The following GRK4 variants were observed in gnomAD, a reference collection of about 807,000 sequenced individuals.
GRK4 encodes G protein-coupled receptor kinase 4.
In GRK4, 73 loss-of-function variants were observed where a neutral mutation model predicts 77.9. The ratio of observed to expected loss-of-function variants is 0.94; its 90% CI spans 0.78 to 1.14. The LOEUF (loss-of-function observed/expected upper bound fraction) is 1.14, where lower values mean the gene tolerates loss of function less well. GRK4 is among the 50% of genes most tolerant of loss of function. The probability of loss-of-function intolerance (pLI) is 0.00; values close to 1 mark genes in which losing one functional copy is unlikely to be tolerated. For synonymous variants in GRK4, 257 were observed against 254.4 expected (o/e 1.01, Z -0.10); for missense variants, 729 against 700.2 (o/e 1.04, Z -0.46).
At chr4:3,015,102 C>T (rs185966977) in intron 8 of GRK4, among the ~76,000 whole-genome samples, 75 of 152,234 alleles carry the variant, frequency 4.9e-4, no homozygotes, top group Admixed American at 2.0e-3. Context: ...GAACATTGGG[C>T]GGACTGGTAT....
chr4:3,030,166 G>A (rs1738744064), intron 12 of GRK4, among the ~76,000 whole-genome samples: 1 of 152,090 alleles, frequency 6.6e-6, no homozygotes, highest in African/African-American at 2.4e-5. Flanking sequence ...CCTGGCTCTG[G>A]GCCTGGTGCT....
intron 4 of GRK4, among the ~76,000 whole-genome samples, chr4:2,997,800 G>A (rs1011534671): frequency 6.6e-6 from 1 of 151,210 alleles, no homozygotes; most frequent in Non-Finnish European, 1.5e-5. Flanking sequence ...CCCAGCTACT[G>A]AGGAGGCTGA....
Position 3,029,257 on chromosome 4 carries a change from G to A in GRK4, c.1117G>A (p.Gly373Ser), listed in dbSNP as rs1738471570. The A allele has an allele frequency of 1.2e-6, 2 of 1,614,044 alleles. No homozygotes were observed. Among genetic ancestry groups the A allele is most frequent in the South Asian group, 2.2e-5 (2 of 91,086 alleles). ...YTFSPDWWGL[G>S]CLIYEMIQGH... ...GTTTAGTCCCGATTGGTGGGGACTT[G>A]GCTGTCTGATCTATGAAATGATTCA... The change falls in exon 12 of 16, where the codon GGC becomes AGC. Residue 373 changes from glycine (G) to serine (S), a missense_variant. Physicochemically the swap from Gly to Ser is moderately conservative, Grantham distance 56. Coordinates refer to ENST00000398052, the MANE Select transcript of GRK4 (RefSeq NM_182982.3).
chr4:3,026,377 AAGAC>A (rs1362090890), intron 10 of GRK4, among the ~76,000 whole-genome samples: 13 of 152,174 alleles, frequency 8.5e-5, no homozygotes, highest in Non-Finnish European at 1.6e-4. Flanking sequence ...TAAGAAAAAT[AAGAC>A]AATGATACGA....
intron 14 of GRK4, 30 bp downstream of exon 14, chr4:3,037,541 G>A (rs558461682): frequency 6.9e-6 from 11 of 1,584,868 alleles, no homozygotes; most frequent in South Asian, 2.2e-5. Context: ...GCCGCTTTAC[G>A]TTAGTTCCAA....
intron 12 of GRK4, among the ~76,000 whole-genome samples, chr4:3,032,424 A>C (rs973048466): frequency 1.2e-4 from 18 of 152,200 alleles, no homozygotes; most frequent in African/African-American, 4.3e-4. Flanking sequence ...CTCCGTCTCA[A>C]AAAAGAAAAA....
chr4:3,010,512 C>T (rs1732611165), intron 7 of GRK4, among the ~76,000 whole-genome samples: 2 of 152,150 alleles, frequency 1.3e-5, no homozygotes, highest in African/African-American at 4.8e-5. Flanking sequence ...CAGGCGTGAG[C>T]CACCGTGCCT....
Position 2,964,000 on chromosome 4 carries a change from C to T in GRK4, c.-71C>T. 3 of 1,376,276 alleles carry T rather than the reference C, an allele frequency of 2.2e-6. No individual in the cohort carries two copies. Among genetic ancestry groups the T allele is most frequent in the Non-Finnish European group, 2.0e-6 (2 of 979,540 alleles). 85.3% of individuals were successfully genotyped at this position (1,376,276 alleles called of 1,614,324 possible). ...GGCGAGCTATGCACGGGGGCGGCGG[C>T]GTCTCCTCCTGTTCCGCCTCCTCAG... is the stretch of plus-strand genomic sequence containing the variant. On this transcript the variant is annotated 5_prime_UTR_variant, in exon 1 of 16. Transcript: ENST00000398052.
chr4:3,010,605 G>A (rs1327313478), intron 7 of GRK4, among the ~76,000 whole-genome samples: 1 of 152,154 alleles, frequency 6.6e-6, no homozygotes, highest in Admixed American at 6.5e-5. Flanking sequence ...AGCAGTTCTG[G>A]TCTGGGGATT....
chr4:3,025,502 G>A (rs190922894), intron 10 of GRK4, among the ~76,000 whole-genome samples: 1,475 of 144,368 alleles, frequency 0.01, 25 homozygotes, highest in African/African-American at 0.036. Flanking sequence ...CCATTCTCCT[G>A]CCTCAGCCTC....
At chr4:3,015,451 C>T (rs758173149) in intron 8 of GRK4, among the ~76,000 whole-genome samples, 9 of 151,880 alleles carry the variant, frequency 5.9e-5, no homozygotes, top group Non-Finnish European at 1.2e-4. Context: ...TTTGGGAGGC[C>T]GAGGCAGGCG....
At position 2,963,666 on chromosome 4, in the gene GRK4, G is replaced by C; in HGVS notation, c.-405G>C. 2.8e-6 allele frequency: 1 copy of C among 356,412 alleles called. No individual in the cohort carries two copies. The highest frequency in any genetic ancestry group is 5.0e-6 in the Non-Finnish European group (1 of 198,830). The allele number at this position is 356,412 out of a possible 1,614,324, so 22.1% of individuals were successfully genotyped here. The stretch of plus-strand genomic sequence containing the variant: ...GAGCGGGTCGCCGGCCGCGGCGGGC[G>C]CCCCTGCCAGTGAGCCCCTGTCCGA... On this transcript the variant is annotated 5_prime_UTR_variant, in exon 1 of 16. Transcript: ENST00000398052.
chr4:2,972,243 T>C (rs1577950215), intron 1 of GRK4, among the ~76,000 whole-genome samples: 1 of 152,120 alleles, frequency 6.6e-6, no homozygotes, highest in Non-Finnish European at 1.5e-5. Flanking sequence ...CTGTGGATGG[T>C]CCTCCTTTGA....
Position 3,037,446 on chromosome 4 carries a change from A to C in GRK4, c.1480A>C (p.Thr494Pro). Reference sequence around the variant, plus strand: ...GGTGGTGAAAGGGATCTACCTGGACACCGCAGATGAAGACTTCTATGCTCG... The same window carrying C: ...GGTGGTGAAAGGGATCTACCTGGACCCCGCAGATGAAGACTTCTATGCTCG... ...FSVVKGIYLD[T>P]ADEDFYARFA... The change falls in exon 14 of 16, where the codon ACC (threonine) becomes CCC (proline). Residue 494 changes from threonine (T) to proline (P), a missense_variant. Transcript: ENST00000398052. 6.2e-7 allele frequency: 1 copy of C among 1,611,580 alleles called. No homozygotes were observed. Among genetic ancestry groups the C allele is most frequent in the Non-Finnish European group, 8.5e-7 (1 of 1,178,192 alleles).
intron 1 of GRK4, among the ~76,000 whole-genome samples, chr4:2,981,373 G>A (rs1172403429): frequency 6.6e-6 from 1 of 152,224 alleles, no homozygotes; most frequent in East Asian, 1.9e-4. Context: ...TAAGCAAGAA[G>A]AGGTGCTTTA....
intron 8 of GRK4, among the ~76,000 whole-genome samples, chr4:3,018,068 CTTTTTCTTTTTTTT>C (rs1735037591): frequency 6.7e-6 from 1 of 148,776 alleles, no homozygotes; most frequent in Non-Finnish European, 1.5e-5. Flanking sequence ...TTTTCTTTTT[CTTTTTCTTTTTTTT>C]TTTTTTAGAT....
intron 4 of GRK4, among the ~76,000 whole-genome samples, chr4:2,997,973 G>A (rs563229324): frequency 1.2e-4 from 18 of 151,416 alleles, no homozygotes; most frequent in Non-Finnish European, 2.4e-4. Flanking sequence ...AGACAAGATT[G>A]TGCACCCTCA....
intron 5 of GRK4, among the ~76,000 whole-genome samples, 189 bp downstream of exon 5, chr4:3,004,523 C>G (rs534377212): frequency 6.6e-6 from 1 of 152,250 alleles, no homozygotes; most frequent in African/African-American, 2.4e-5. Flanking sequence ...ACTTTTGACT[C>G]CCCCAAAAGC....
At chr4:3,004,040 T>C (rs1269321673) in intron 4 of GRK4, among the ~76,000 whole-genome samples, 191 bp from the exon 5 acceptor site, 4 of 152,182 alleles carry the variant, frequency 2.6e-5, no homozygotes, top group Non-Finnish European at 2.9e-5. Flanking sequence ...TTGATATGCA[T>C]CGGAGAAGAT....
Sources: allele counts gnomAD v4.1 joint callset (sites outside exome capture counted in the v4.1 genomes callset), GRCh38; gene constraint gnomAD v4.1.1; transcripts MANE v1.5; gene names NCBI Gene and HGNC (gene_info 2026-07-23, HGNC 2026-07-21).